Variants in NLGN1 observed in about 807,000 individuals in gnomAD.
NLGN1 encodes neuroligin-1.
In NLGN1, 12 loss-of-function variants were observed where a neutral mutation model predicts 65.5. That is an observed-to-expected ratio of 0.18 (90% CI 0.12 to 0.30). The LOEUF (loss-of-function observed/expected upper bound fraction) is 0.30. Among genes scored for constraint, NLGN1 ranks in the 10% least tolerant of loss-of-function variants. The pLI, the probability that NLGN1 is intolerant of heterozygous loss-of-function variation, is 1.00. For missense variants in NLGN1, 750 were observed against 1,007.1 expected (o/e 0.74, Z 3.46); for synonymous variants, 350 against 359.5 (o/e 0.97, Z 0.30).
chr3:173,631,154 G>A (rs1431939980), intron 3 of NLGN1, among the ~76,000 whole-genome samples: 1 of 152,038 alleles, frequency 6.6e-6, no homozygotes, highest in African/African-American at 2.4e-5. Flanking sequence ...TAAATTTGTG[G>A]TTTCACTCAT....
chr3:174,199,834 C>T (rs986297206), intron 4 of NLGN1, among the ~76,000 whole-genome samples: 14 of 152,162 alleles, frequency 9.2e-5, no homozygotes, highest in African/African-American at 3.4e-4. Flanking sequence ...AAAAAGACAC[C>T]CAATGGATGT....
At chr3:173,931,564 G>T (rs770836614) in intron 4 of NLGN1, among the ~76,000 whole-genome samples, 4 of 152,138 alleles carry the variant, frequency 2.6e-5, no homozygotes, top group Non-Finnish European at 4.4e-5. Context: ...TGGCAGAAGT[G>T]TGTCCTGGAT....
intron 3 of NLGN1, among the ~76,000 whole-genome samples, chr3:173,761,585 T>C (rs752478951): frequency 5.3e-5 from 8 of 152,066 alleles, no homozygotes; most frequent in Non-Finnish European, 7.4e-5. Context: ...GGGCAGATTT[T>C]ATGAGATTTC....
intron 3 of NLGN1, among the ~76,000 whole-genome samples, chr3:173,755,770 C>A (rs916521416): frequency 6.6e-6 from 1 of 152,064 alleles, no homozygotes; most frequent in Non-Finnish European, 1.5e-5. Flanking sequence ...TCCTCTAGCA[C>A]ACTCAAGAAC....
At chr3:173,486,784 T>A (rs556477291) in intron 2 of NLGN1, among the ~76,000 whole-genome samples, 269 of 152,326 alleles carry the variant, frequency 1.8e-3, no homozygotes, top group African/African-American at 6.4e-3. Flanking sequence ...CCTGTTATCA[T>A]CTTTATTGTA....
rs550405618 is a variant in NLGN1 at position 173,736,164 on chromosome 3, T to C, written c.494-71516T>C. On this transcript the variant is annotated intron_variant, in intron 3 of 6. Coordinates refer to ENST00000457714, the Ensembl canonical transcript of NLGN1. ...GTAAAAATGAATTCAGCTTGATTCG[T>C]TTCTAGCTTTATGTTGGCTACTTAA... Among the ~76,000 whole-genome samples the C allele has an allele frequency of 3.0e-4, 46 of 152,156 alleles. No individual in the cohort carries two copies. In the South Asian group the frequency reaches 9.5e-3, roughly 32 times the overall value.
chr3:173,788,279 G>T (rs747808345), intron 3 of NLGN1, among the ~76,000 whole-genome samples: 1 of 144,172 alleles, frequency 6.9e-6, no homozygotes, highest in Non-Finnish European at 1.5e-5. Context: ...CAAATATATA[G>T]TGACTAAATA....
intron 4 of NLGN1, among the ~76,000 whole-genome samples, chr3:174,217,099 T>A (rs1577403126): frequency 6.6e-6 from 1 of 152,098 alleles, no homozygotes; most frequent in African/African-American, 2.4e-5. Context: ...AACCCCTAGA[T>A]AAGGATCTTT....
intron 2 of NLGN1, among the ~76,000 whole-genome samples, chr3:173,482,399 C>G (rs1727444469): frequency 1.3e-5 from 2 of 151,756 alleles, no homozygotes; most frequent in Admixed American, 6.6e-5. Flanking sequence ...TGGATCTGAT[C>G]TCTTCAGGTT....
chr3:174,241,917 C>T (rs1577538746), intron 4 of NLGN1, among the ~76,000 whole-genome samples: 1 of 152,154 alleles, frequency 6.6e-6, no homozygotes, highest in African/African-American at 2.4e-5. Flanking sequence ...CTTGGCCTCC[C>T]AAAGTGCTAG....
rs1723977137 is a variant in NLGN1 at position 173,464,511 on chromosome 3, C to T, written c.-321+29433C>T. On this transcript the variant is annotated intron_variant, in intron 2 of 6. Transcript: ENST00000457714. ...AGTGCAATGGCGCAATCTCGGCTCACTGTCACCTCTGCCTCCTGGGTTCAA... is the reference window on the plus strand; with the variant it reads ...AGTGCAATGGCGCAATCTCGGCTCATTGTCACCTCTGCCTCCTGGGTTCAA... Among the ~76,000 whole-genome samples the T allele has an allele frequency of 1.4e-5, 2 of 146,510 alleles. 1 individual carries two copies. Among genetic ancestry groups the T allele is most frequent in the African/African-American group, 5.1e-5 (2 of 39,300 alleles).
chr3:173,503,466 C>A (rs966843079), intron 2 of NLGN1, among the ~76,000 whole-genome samples: 2 of 152,042 alleles, frequency 1.3e-5, no homozygotes, highest in African/African-American at 4.8e-5. Flanking sequence ...AACGCTTATT[C>A]TTGACATCTG....
At chr3:173,889,508 C>T (rs1367277384) in intron 4 of NLGN1, among the ~76,000 whole-genome samples, 1 of 152,064 alleles carries the variant, frequency 6.6e-6, no homozygotes, top group Non-Finnish European at 1.5e-5. Context: ...TGTGACATGT[C>T]GTTTTTAAAG....
chr3:174,119,017 G>GA (rs972287106), intron 4 of NLGN1, among the ~76,000 whole-genome samples: 5 of 150,652 alleles, frequency 3.3e-5, no homozygotes, highest in East Asian at 3.9e-4. Flanking sequence ...AGAGGACATA[G>GA]AAAAAAAAAG....
At chr3:173,544,340 GA>G (rs2149242515) in intron 2 of NLGN1, among the ~76,000 whole-genome samples, 1 of 151,830 alleles carries the variant, frequency 6.6e-6, no homozygotes, top group East Asian at 1.9e-4. Flanking sequence ...GAGCAGCAGA[GA>G]AAGCAGAAAG....
At position 174,272,659 on chromosome 3, in the gene NLGN1, A is replaced by T. The variant is rs1333141276; in HGVS notation, c.647-2656A>T. 3.3e-5 allele frequency among the ~76,000 whole-genome samples: 4 copies of T among 121,672 alleles called. No individual in the cohort carries two copies. In the South Asian group the frequency reaches 8.5e-4, roughly 26 times the overall value. 79.8% of individuals were successfully genotyped at this position (121,672 alleles called of 152,430 possible). A position where few individuals can be genotyped will look rare whatever the true frequency, so the allele number is the denominator to read the frequency against. On this transcript the variant is annotated intron_variant, in intron 4 of 6. Coordinates refer to ENST00000457714, the Ensembl canonical transcript of NLGN1. ...TTCAGATGATGATATGGATGGATGG[A>T]TGGATGGATAGATAGATAGATAGAT... is the stretch of plus-strand genomic sequence containing the variant.
intron 2 of NLGN1, among the ~76,000 whole-genome samples, chr3:173,483,736 T>C (rs1158633436): frequency 1.3e-5 from 2 of 152,146 alleles, no homozygotes; most frequent in Non-Finnish European, 2.9e-5. Context: ...GAAGGGCCCT[T>C]GCAGATCATC....
intron 4 of NLGN1, among the ~76,000 whole-genome samples, chr3:174,210,687 T>G (rs1158745595): frequency 6.6e-6 from 1 of 152,230 alleles, no homozygotes; most frequent in Non-Finnish European, 1.5e-5. Context: ...CCTTCAGAGC[T>G]TGGGACTCTA....
intron 4 of NLGN1, among the ~76,000 whole-genome samples, chr3:174,268,618 A>ATGTT (rs1383890838): frequency 1.3e-5 from 2 of 152,146 alleles, no homozygotes; most frequent in Admixed American, 1.3e-4. Context: ...GAGTTACAAG[A>ATGTT]TGTTAACATT....
Sources: allele counts gnomAD v4.1 joint callset (sites outside exome capture counted in the v4.1 genomes callset), GRCh38; gene constraint gnomAD v4.1.1; transcripts MANE v1.5; gene names NCBI Gene and HGNC (gene_info 2026-07-23, HGNC 2026-07-21).